MEIS1: variants seen among roughly 807,000 people sequenced by gnomAD.
MEIS1 encodes the protein homeobox protein Meis1.
MEIS1 carries 5 observed loss-of-function variants against 50.8 expected under a neutral mutation model. The ratio of observed to expected loss-of-function variants is 0.10; its 90% CI spans 0.05 to 0.21. The LOEUF (loss-of-function observed/expected upper bound fraction) is 0.21. Among genes scored for constraint, MEIS1 ranks in the 10% least tolerant of loss-of-function variants. The pLI is 1.00. For missense variants in MEIS1, 318 were observed against 517.3 expected (o/e 0.61, Z 3.74); for synonymous variants, 176 against 179.3 (o/e 0.98, Z 0.15).
At chr2:66,559,873 T>TGC (rs1675168702) in intron 9 of MEIS1, among the ~76,000 whole-genome samples, 1 of 152,168 alleles carries the variant, frequency 6.6e-6, no homozygotes, top group Non-Finnish European at 1.5e-5. Context: ...CATGATTCAC[T>TGC]GCAGCCTCCA....
intron 8 of MEIS1, among the ~76,000 whole-genome samples, chr2:66,526,600 G>A (rs991180946): frequency 3.9e-5 from 6 of 152,298 alleles, no homozygotes; most frequent in South Asian, 2.1e-4. Context: ...ATTAAGAAGC[G>A]AAGAGACAGA....
At chr2:66,462,701 T>C (rs1398283149) in intron 6 of MEIS1, among the ~76,000 whole-genome samples, 1 of 152,248 alleles carries the variant, frequency 6.6e-6, no homozygotes, top group Non-Finnish European at 1.5e-5. Flanking sequence ...TCTGGTATGC[T>C]GCAGAATGCG....
chr2:66,465,589 T>C (rs929247922), intron 7 of MEIS1, among the ~76,000 whole-genome samples: 1 of 152,206 alleles, frequency 6.6e-6, no homozygotes, highest in Non-Finnish European at 1.5e-5. Context: ...AAATGGAATA[T>C]AAATTCTTTT....
chr2:66,438,133 C>T (rs994543894), intron 2 of MEIS1, among the ~76,000 whole-genome samples, 170 bp downstream of exon 2: 1 of 152,106 alleles, frequency 6.6e-6, no homozygotes, highest in Non-Finnish European at 1.5e-5. Flanking sequence ...TCCCTGAAGC[C>T]CTACATCCCC....
At chr2:66,446,491 C>T (rs1672150656) in intron 6 of MEIS1, among the ~76,000 whole-genome samples, 1 of 152,136 alleles carries the variant, frequency 6.6e-6, no homozygotes, top group African/African-American at 2.4e-5. Flanking sequence ...TAGGTCTGTG[C>T]TCGGGCCTCA....
At chr2:66,475,280 A>G (rs1042561386) in intron 7 of MEIS1, among the ~76,000 whole-genome samples, 13 of 146,772 alleles carry the variant, frequency 8.9e-5, no homozygotes, top group Non-Finnish European at 1.5e-4. Context: ...TATATTATAT[A>G]TAAAAATATA....
chr2:66,547,034 A>C (rs914261183), intron 8 of MEIS1, among the ~76,000 whole-genome samples: 1 of 152,126 alleles, frequency 6.6e-6, no homozygotes, highest in South Asian at 2.1e-4. Context: ...TTATCTTGGG[A>C]TAATTTATTG....
chr2:66,567,424 A>G (rs1419590863), intron 9 of MEIS1, 29 bp from the exon 10 acceptor site: 1 of 1,609,418 alleles, frequency 6.2e-7, no homozygotes. Flanking sequence ...TTTAAGGAAT[A>G]ACGATTTGTT....
intron 9 of MEIS1, among the ~76,000 whole-genome samples, chr2:66,560,590 A>C (rs962984437): frequency 3.3e-5 from 5 of 151,910 alleles, no homozygotes; most frequent in Non-Finnish European, 7.4e-5. Flanking sequence ...TCTCAAAAAA[A>C]AAAAAAAGAA....
intron 8 of MEIS1, among the ~76,000 whole-genome samples, chr2:66,522,992 G>C (rs1674162607): frequency 6.6e-6 from 1 of 152,186 alleles, no homozygotes; most frequent in Admixed American, 6.5e-5. Flanking sequence ...ATGTAATAAT[G>C]TCTAGATATT....
chr2:66,534,226 G>C (rs1017636900), intron 8 of MEIS1, among the ~76,000 whole-genome samples: 1 of 152,140 alleles, frequency 6.6e-6, no homozygotes, highest in African/African-American at 2.4e-5. Flanking sequence ...TTGATACACT[G>C]AACTACACCT....
chr2:66,498,360 A>G (rs902362047), intron 7 of MEIS1, among the ~76,000 whole-genome samples: 1 of 152,178 alleles, frequency 6.6e-6, no homozygotes, highest in African/African-American at 2.4e-5. Flanking sequence ...GAGAGGTTAA[A>G]TAACTTGCCC....
chr2:66,436,467 A>G lies in MEIS1; in HGVS notation c.12+599A>G, dbSNP rs534029690. Among the ~76,000 whole-genome samples the G allele has an allele frequency of 1.6e-4, 25 of 152,354 alleles. No homozygotes were observed. In the South Asian group the frequency reaches 5.0e-3, roughly 30 times the overall value. On this transcript the variant is annotated intron_variant, in intron 1 of 12. Transcript: ENST00000272369. The stretch of plus-strand genomic sequence containing the variant: ...CACAGTTACTCACTTTAAAAATGCA[A>G]TACTAATTTCCCCATATTCCTTTTT...
intron 7 of MEIS1, among the ~76,000 whole-genome samples, chr2:66,478,662 T>G (rs558685865): frequency 6.6e-6 from 1 of 152,256 alleles, no homozygotes; most frequent in Non-Finnish European, 1.5e-5. Flanking sequence ...TCAAATGGAG[T>G]GTTTTTGAAT....
At chr2:66,527,745 T>C (rs1007334338) in intron 8 of MEIS1, among the ~76,000 whole-genome samples, 3 of 152,040 alleles carry the variant, frequency 2.0e-5, no homozygotes, top group African/African-American at 7.2e-5. Context: ...CATGATATGA[T>C]GACTTAATCC....
At chr2:66,489,436 A>C (rs1673221837) in intron 7 of MEIS1, among the ~76,000 whole-genome samples, 1 of 152,200 alleles carries the variant, frequency 6.6e-6, no homozygotes, top group Non-Finnish European at 1.5e-5. Flanking sequence ...TTCTTAATAT[A>C]GTAGACTTAC....
At chr2:66,457,290 T>A (rs937711910) in intron 6 of MEIS1, among the ~76,000 whole-genome samples, 1 of 151,860 alleles carries the variant, frequency 6.6e-6, no homozygotes, top group Non-Finnish European at 1.5e-5. Context: ...AAATTATAGG[T>A]GCTCAATACA....
At chr2:66,513,695 C>A (rs1295917649) in intron 8 of MEIS1, among the ~76,000 whole-genome samples, 1 of 151,978 alleles carries the variant, frequency 6.6e-6, no homozygotes, top group Non-Finnish European at 1.5e-5. Flanking sequence ...CAGGGCTTGG[C>A]TATGCTGGAA....
Position 66,552,649 on chromosome 2 carries a change from C to T in MEIS1, c.965+4630C>T, listed in dbSNP as rs910655134. 3.3e-5 allele frequency among the ~76,000 whole-genome samples: 5 copies of T among 152,248 alleles called. No individual in the cohort carries two copies. The South Asian group carries it at 1.0e-3, about 32-fold the overall frequency. On this transcript the variant is annotated intron_variant, in intron 9 of 12. Coordinates refer to ENST00000272369, the MANE Select transcript of MEIS1 (RefSeq NM_002398.3). ...TATGAGTGGGAAAAAAGTATGTTAT[C>T]CTTGGAGATTTATGCCACTGGCAAG...
Sources: gnomAD v4.1 joint callset for allele counts (sites outside exome capture counted in the v4.1 genomes callset) on GRCh38, gnomAD v4.1.1 for gene constraint, MANE v1.5 for transcripts, NCBI Gene and HGNC (gene_info 2026-07-23, HGNC 2026-07-21) for gene names.